The following LPIN2 variants were observed in gnomAD, a reference collection of about 807,000 sequenced individuals.
The protein encoded by LPIN2 is phosphatidate phosphatase LPIN2.
In LPIN2, 55 loss-of-function variants were observed where a neutral mutation model predicts 111.4. The ratio of observed to expected loss-of-function variants is 0.49; its 90% confidence interval spans 0.40 to 0.62. LPIN2 has a LOEUF of 0.62. LPIN2 is among the 20% of genes least tolerant of loss of function. The pLI is 0.00. For synonymous variants in LPIN2, 425 were observed against 414.0 expected, an observed-to-expected ratio of 1.03 and a Z score of -0.32; for missense variants, 992 against 1,112.1, an observed-to-expected ratio of 0.89 and a Z score of 1.54.
Position 2,939,596 on chromosome 18 carries a change from G to A in LPIN2, c.706C>T (p.Pro236Ser). The A allele has an allele frequency of 6.2e-7, 1 of 1,613,396 alleles. No homozygotes were observed. The highest frequency in any genetic ancestry group is 1.1e-5 in the South Asian group (1 of 91,060). ...GDWSPLETTY[P>S]QTACPKSDSE... is the part of the protein sequence containing the mutation. ...TCACTCTTAGGACACGCTGTCTGGG[G>A]ATAGGTGCTGCAAAGAGAACAAAGA... Residue 236 changes from proline to serine, a missense_variant, in exon 6 of 20, where the codon CCC (proline) becomes TCC (serine). Around this residue, in one of 4 missense-constraint regions of LPIN2, gnomAD observed 709 missense variants for 753.2 expected, o/e 0.94. Coordinates refer to ENST00000677752, the MANE Select transcript of LPIN2 (RefSeq NM_001375808.2).
chr18:2,954,445 G>T, intron 3 of LPIN2, 59 bp downstream of exon 3: 1 of 1,220,198 alleles, frequency 8.2e-7, no homozygotes, highest in Non-Finnish European at 1.2e-6. Context: ...GTCCGTCTGG[G>T]CCACGTACCA....
In LPIN2 at chr18:2,925,102, G is replaced by A; in HGVS notation, c.1938+122C>T. On this transcript the variant is annotated intron_variant, in intron 14 of 19. Coordinates refer to ENST00000677752, the MANE Select transcript of LPIN2 (RefSeq NM_001375808.2). The surrounding 1 kb of genome is among the most constrained non-coding windows in gnomAD (Gnocchi z 4.1). Reference sequence around the variant, plus strand: ...CGTGGTTCCACTGTGGATAGGCATTGACACGACCATGCCGTGTGGCGTGTA... The same window carrying A: ...CGTGGTTCCACTGTGGATAGGCATTAACACGACCATGCCGTGTGGCGTGTA... 4.6e-6 allele frequency: 6 copies of A among 1,300,208 alleles called. No individual in the cohort carries two copies. Among genetic ancestry groups the A allele is most frequent in the Non-Finnish European group, 6.5e-6 (6 of 917,610 alleles). The allele number at this position is 1,300,208 out of a possible 1,614,324, so 80.5% of individuals were successfully genotyped here. A position where few individuals can be genotyped will look rare whatever the true frequency, so the allele number is the denominator to read the frequency against.
chr18:2,933,580 T>A (rs2077243907), intron 8 of LPIN2, among the ~76,000 whole-genome samples: 1 of 152,244 alleles, frequency 6.6e-6, no homozygotes, highest in African/African-American at 2.4e-5. Context: ...TTTATATCAA[T>A]CCCATCTTTC....
At chr18:2,924,305 G>C (rs754173484) in intron 15 of LPIN2, 93 bp downstream of exon 15, 3 of 1,524,844 alleles carry the variant, frequency 2.0e-6, no homozygotes, top group East Asian at 2.3e-5. Flanking sequence ...TGAGGGCTTC[G>C]AGCCCCAGGT....
rs1322729169 is a variant in LPIN2 at position 2,923,862 on chromosome 18, C to CTTCT, written c.2088-2_2088-1insAGAA. The CTTCT allele has an allele frequency of 6.2e-7, 1 of 1,613,648 alleles. No individual in the cohort carries two copies. Among genetic ancestry groups the CTTCT allele is most frequent in the East Asian group, 2.2e-5 (1 of 44,878 alleles). On this transcript the variant is annotated splice_acceptor_variant, in intron 15 of 19. Transcript: ENST00000677752. LOFTEE classifies it high-confidence loss of function. ...GAGAATCTGTCCCAAAGCATCCGAC[C>CTTCT]TAAGAAGACGGTAGAAACAGGAAAA...
intron 1 of LPIN2, among the ~76,000 whole-genome samples, chr18:2,992,225 ATCAT>A (rs1211332322): frequency 2.6e-5 from 4 of 152,206 alleles, no homozygotes; most frequent in African/African-American, 9.6e-5. Context: ...ACAATGGAAT[ATCAT>A]TCAGTCATGA....
At chr18:2,934,765 G>A (rs1367246045) in intron 7 of LPIN2, among the ~76,000 whole-genome samples, 1 of 152,126 alleles carries the variant, frequency 6.6e-6, no homozygotes, top group African/African-American at 2.4e-5. Flanking sequence ...CTAAGAACAA[G>A]CATGACCAAA....
chr18:2,926,373 A>C (rs1050373499), intron 13 of LPIN2, among the ~76,000 whole-genome samples: 1 of 152,140 alleles, frequency 6.6e-6, no homozygotes, highest in Non-Finnish European at 1.5e-5. Flanking sequence ...CAGGAAAGGA[A>C]ACCCACCCAA....
At chr18:2,966,826 G>A (rs1011330842) in intron 1 of LPIN2, among the ~76,000 whole-genome samples, 5 of 152,186 alleles carry the variant, frequency 3.3e-5, no homozygotes, top group African/African-American at 9.7e-5. Context: ...CACATGTCAT[G>A]AGGCTTACGG....
intron 3 of LPIN2, among the ~76,000 whole-genome samples, chr18:2,953,254 G>A (rs1479592332): frequency 1.3e-5 from 2 of 152,086 alleles, no homozygotes; most frequent in East Asian, 1.9e-4. Context: ...ATGAAAACGA[G>A]GTTAACATCA....
At chr18:2,967,563 C>T (rs1178617726) in intron 1 of LPIN2, 3 of 152,212 alleles carry the variant, frequency 2.0e-5, no homozygotes, top group African/African-American at 7.2e-5. Flanking sequence ...TTTTACAAAA[C>T]ATTTACAGTG....
chr18:2,939,525 C>G lies in LPIN2; in HGVS notation c.777G>C (p.Glu259Asp). Residue 259 changes from glutamate (E) to aspartate (D), a missense_variant, in exon 6 of 20, where the codon GAG (glutamate) becomes GAC (aspartate). Transcript: ENST00000677752. ...CGCCCCACGTCCACTCCATGTGAGA[C>G]TCTGATCTGAGCAGGCTCTCCGCAG... Reference protein sequence around the residue: ...VKPAESLLRSESHMEWTWGGF... With the variant: ...VKPAESLLRSDSHMEWTWGGF... 6.2e-7 allele frequency: 1 copy of G among 1,614,074 alleles called. No individual in the cohort carries two copies. The highest frequency in any genetic ancestry group is 8.5e-7 in the Non-Finnish European group (1 of 1,179,948).
intron 1 of LPIN2, among the ~76,000 whole-genome samples, chr18:2,978,745 T>C (rs754336885): frequency 1.7e-4 from 26 of 152,220 alleles, no homozygotes; most frequent in Non-Finnish European, 3.4e-4. Flanking sequence ...AAATCTGTAT[T>C]TTCTTTTGAA....
In LPIN2 at chr18:2,928,574, A is replaced by T; in HGVS notation, c.1620+17T>A. 1 of 1,613,902 alleles carries T rather than the reference A, an allele frequency of 6.2e-7. No homozygotes were observed. The highest frequency in any genetic ancestry group is 2.2e-5 in the East Asian group (1 of 44,886). ...GCGGATGCTTTCGGAAAGGCAGCAG[A>T]TGGTGGATCGCCTCACCTTAGGCAA... On this transcript the variant is annotated intron_variant, in intron 11 of 19. Coordinates refer to ENST00000677752, the MANE Select transcript of LPIN2 (RefSeq NM_001375808.2).
chr18:2,999,371 C>A (rs1003228284), intron 1 of LPIN2, among the ~76,000 whole-genome samples: 15 of 151,326 alleles, frequency 9.9e-5, no homozygotes, highest in Admixed American at 5.3e-4. Context: ...CCAAAGCGGG[C>A]GGATCACGAG....
chr18:2,969,498 C>T (rs1338815706), intron 1 of LPIN2, among the ~76,000 whole-genome samples: 1 of 152,174 alleles, frequency 6.6e-6, no homozygotes, highest in Non-Finnish European at 1.5e-5. Context: ...TCAGAGCAAC[C>T]CCATCACCTC....
intron 7 of LPIN2, 112 bp downstream of exon 7, chr18:2,937,580 G>A: frequency 1.3e-6 from 1 of 783,214 alleles, no homozygotes; most frequent in Non-Finnish European, 2.1e-6. Flanking sequence ...AAGTGCGACG[G>A]GTTTCGACTG....
At chr18:2,983,273 C>T in intron 1 of LPIN2, among the ~76,000 whole-genome samples, 1 of 152,182 alleles carries the variant, frequency 6.6e-6, no homozygotes, top group Non-Finnish European at 1.5e-5. Context: ...AAGAGCCCAA[C>T]TACTGAACAC....
chr18:2,935,048 T>C (rs903508192), intron 7 of LPIN2, among the ~76,000 whole-genome samples: 12 of 152,186 alleles, frequency 7.9e-5, no homozygotes, highest in Non-Finnish European at 2.9e-5. Flanking sequence ...AAACAATAAC[T>C]CTAAGCCTCT....
Sources: gnomAD v4.1 joint callset for allele counts (sites outside exome capture counted in the v4.1 genomes callset) on GRCh38, gnomAD v4.1.1 for gene constraint, gnomAD v4.1.1 regional missense constraint, Gnocchi (gnomAD v3.1) non-coding constraint, MANE v1.5 for transcripts, NCBI Gene and HGNC (gene_info 2026-07-23, HGNC 2026-07-21) for gene names.